The following USP48 variants were observed in gnomAD, a reference collection of about 807,000 sequenced individuals.
USP48 encodes the protein ubiquitin carboxyl-terminal hydrolase 48.
USP48 carries 43 observed loss-of-function variants against 150.7 expected under a neutral mutation model. The observed-to-expected ratio is 0.29, with a 90% CI of 0.22 to 0.37. The LOEUF is 0.37. USP48 is among the 10% of genes least tolerant of loss of function. The pLI is 1.00. For missense variants in USP48, 813 were observed against 1,249.6 expected (o/e 0.65, Z 5.27); for synonymous variants, 396 against 425.9 (o/e 0.93, Z 0.86).
chr1:21,747,763 G>A (rs554964486), intron 7 of USP48, among the ~76,000 whole-genome samples: 2 of 151,768 alleles, frequency 1.3e-5, no homozygotes, highest in Non-Finnish European at 2.9e-5. Context: ...AGTAGAGACG[G>A]GGTTTCACCA....
intron 21 of USP48, among the ~76,000 whole-genome samples, chr1:21,703,300 A>G (rs751752678): frequency 6.6e-6 from 1 of 152,226 alleles, no homozygotes; most frequent in Non-Finnish European, 1.5e-5. Context: ...CATTCAGTAA[A>G]TATCTATGCA....
rs1403278859 is a variant in USP48, at chr1:21,706,259, C to T, written c.2212-72G>A. The T allele has an allele frequency of 4.5e-6, 7 of 1,554,408 alleles. No individual in the cohort carries two copies. The East Asian group carries it at 1.6e-4, about 35-fold the overall frequency. ...CTTAACACAAATTCCTTATAATATA[C>T]TTTGGTTGTCCTTATTCAAGTTTTA... On this transcript the variant is annotated intron_variant, in intron 17 of 26. Coordinates refer to ENST00000308271, the MANE Select transcript of USP48 (RefSeq NM_032236.8).
At chr1:21,708,420 T>C (rs2097679506) in intron 15 of USP48, among the ~76,000 whole-genome samples, 1 of 151,566 alleles carries the variant, frequency 6.6e-6, no homozygotes, top group African/African-American at 2.4e-5. Context: ...ATCGTTTGAA[T>C]GCAAGAGGCA....
At chr1:21,772,156 AAACAC>A (rs2152643188) in intron 1 of USP48, among the ~76,000 whole-genome samples, 1 of 152,330 alleles carries the variant, frequency 6.6e-6, no homozygotes, top group African/African-American at 2.4e-5. Context: ...ATCAGTACTA[AAACAC>A]AACATGAGTG....
At chr1:21,753,223 A>G in intron 3 of USP48, 104 bp from the exon 4 acceptor site, 1 of 1,167,780 alleles carries the variant, frequency 8.6e-7, no homozygotes, top group Non-Finnish European at 1.2e-6. Flanking sequence ...CTCTACATCC[A>G]AACTAGATTA....
At chr1:21,727,584 T>A (rs1273955893) in intron 11 of USP48, among the ~76,000 whole-genome samples, 3 of 152,216 alleles carry the variant, frequency 2.0e-5, no homozygotes, top group African/African-American at 4.8e-5. Flanking sequence ...TCCCAACACC[T>A]TTGAACAAAG....
chr1:21,766,515 T>A (rs2152630342), intron 1 of USP48, among the ~76,000 whole-genome samples: 1 of 152,200 alleles, frequency 6.6e-6, no homozygotes, highest in East Asian at 1.9e-4. Context: ...AGATCTCCAA[T>A]GATCTGTCAT....
intron 1 of USP48, among the ~76,000 whole-genome samples, chr1:21,777,896 G>A (rs1450565456): frequency 4.0e-5 from 6 of 151,634 alleles, no homozygotes; most frequent in Non-Finnish European, 2.9e-5. Flanking sequence ...GGGAGGCTGA[G>A]GTGGGCGTAT....
At chr1:21,778,149 A>C (rs574972070) in intron 1 of USP48, among the ~76,000 whole-genome samples, 11 of 152,082 alleles carry the variant, frequency 7.2e-5, no homozygotes, top group South Asian at 6.2e-4. Context: ...TCTGAAAAAA[A>C]AAAACAAAAC....
chr1:21,680,058 T>A (rs1259869411), intron 26 of USP48, among the ~76,000 whole-genome samples: 1 of 152,190 alleles, frequency 6.6e-6, no homozygotes, highest in Admixed American at 6.5e-5. Flanking sequence ...CCCTTTGTAA[T>A]GGTAGCATGC....
At chr1:21,700,041 G>A (rs1371451608) in intron 22 of USP48, among the ~76,000 whole-genome samples, 2 of 146,358 alleles carry the variant, frequency 1.4e-5, no homozygotes, top group Admixed American at 1.4e-4. Context: ...CTCCACAAGC[G>A]TTTGCAGACA....
chr1:21,752,928 A>G, intron 4 of USP48, 64 bp downstream of exon 4: 1 of 1,504,560 alleles, frequency 6.6e-7, no homozygotes, highest in Non-Finnish European at 8.8e-7. Context: ...CTCCCTTTAT[A>G]AACATGCTTA....
intron 19 of USP48, among the ~76,000 whole-genome samples, chr1:21,705,201 T>C (rs550884931): frequency 6.6e-6 from 1 of 152,370 alleles, no homozygotes; most frequent in Admixed American, 6.5e-5. Flanking sequence ...GGAAGCATTC[T>C]ACCTTCTCGT....
At chr1:21,753,820 C>CT (rs1231183402) in intron 3 of USP48, among the ~76,000 whole-genome samples, 86 of 91,262 alleles carry the variant, frequency 9.4e-4, no homozygotes, top group Non-Finnish European at 1.5e-3. Flanking sequence ...GAGCGAGACT[C>CT]TTTAAAAAAA....
chr1:21,694,833 T>A (rs1023144432), intron 23 of USP48, among the ~76,000 whole-genome samples: 1 of 152,124 alleles, frequency 6.6e-6, no homozygotes, highest in Non-Finnish European at 1.5e-5. Context: ...ATGTGACAAA[T>A]TAAGTGGTTC....
intron 9 of USP48, chr1:21,732,657 A>G: frequency 2.8e-6 from 1 of 355,224 alleles, no homozygotes; most frequent in Non-Finnish European, 5.4e-6. Flanking sequence ...AGTCACAAAA[A>G]ACTTACTATA....
At position 21,689,641 on chromosome 1, in the gene USP48, C is replaced by G. The variant is rs185209483; in HGVS notation, c.3009+333G>C. On this transcript the variant is annotated intron_variant, in intron 24 of 26. Transcript: ENST00000308271. ...CAGGAAAGTAATGATGTACCCTGAT[C>G]CCACAAAGGCATAGAAACTGATCTA... Among the ~76,000 whole-genome samples, 5 of 152,266 alleles carry G rather than the reference C, an allele frequency of 3.3e-5. No homozygotes were observed. In the East Asian group the frequency reaches 9.6e-4, roughly 29 times the overall value.
At position 21,706,810 on chromosome 1, in the gene USP48, T is replaced by C. The variant is rs778298785; in HGVS notation, c.2022A>G (p.Lys674=). The C allele has an allele frequency of 9.4e-5, 152 of 1,613,862 alleles. 4 individuals are homozygous for C. Among genetic ancestry groups the C allele is most frequent in the Admixed American group, 1.8e-4 (11 of 59,968 alleles). The change falls in exon 16 of 27, where the codon AAA becomes AAG. Residue 674 remains lysine, a synonymous_variant. Transcript: ENST00000308271. ...GAGCCTTTGGAAAGTACTGCTGCAG[T>C]TTGCTCCAAGCCTCTTTAGAAACAA... ...RRLVSKEAWS[K]LQQYFPKAPE...
At chr1:21,716,975 C>A (rs1214313394) in intron 14 of USP48, among the ~76,000 whole-genome samples, 1 of 151,872 alleles carries the variant, frequency 6.6e-6, no homozygotes, top group Non-Finnish European at 1.5e-5. Flanking sequence ...TTATGGTGAG[C>A]CCAGATGGCG....
Sources: allele counts gnomAD v4.1 joint callset (sites outside exome capture counted in the v4.1 genomes callset), GRCh38; gene constraint gnomAD v4.1.1; transcripts MANE v1.5; gene names NCBI Gene and HGNC (gene_info 2026-07-23, HGNC 2026-07-21).